CUX1: variants seen among roughly 807,000 people sequenced by gnomAD.
The protein encoded by CUX1 is cut like homeobox 1.
CUX1 carries 31 observed loss-of-function variants against 158.8 expected under a neutral mutation model. The ratio of observed to expected loss-of-function variants is 0.20; its 90% CI spans 0.15 to 0.26. The LOEUF (loss-of-function observed/expected upper bound fraction) is 0.26. Ranked by LOEUF, CUX1 falls within the 10% of genes least tolerant of loss-of-function variation. The pLI, the probability that CUX1 is intolerant of heterozygous loss-of-function variation, is 1.00. For missense variants in CUX1, 1,589 were observed against 2,014.6 expected, an observed-to-expected ratio of 0.79 and a Z score of 4.04; for synonymous variants, 879 against 862.1, an observed-to-expected ratio of 1.02 and a Z score of -0.34.
At chr7:102,230,256 A>G (rs1586345523) in intron 21 of CUX1, among the ~76,000 whole-genome samples, 1 of 151,818 alleles carries the variant, frequency 6.6e-6, no homozygotes, top group African/African-American at 2.4e-5. Flanking sequence ...CAGGTGGATC[A>G]CCTGAGGCCA....
intron 2 of CUX1, among the ~76,000 whole-genome samples, chr7:101,917,480 C>T (rs923434902): frequency 6.6e-6 from 1 of 152,102 alleles, no homozygotes; most frequent in East Asian, 1.9e-4. Flanking sequence ...CCATGTTTCA[C>T]GAGACCAAAA....
chr7:101,983,472 C>T (rs964684429), intron 2 of CUX1, among the ~76,000 whole-genome samples: 2 of 152,154 alleles, frequency 1.3e-5, no homozygotes, highest in African/African-American at 4.8e-5. Context: ...CCACTGACTG[C>T]AGTGAACAAT....
intron 5 of CUX1, among the ~76,000 whole-genome samples, chr7:102,101,945 T>C (rs1829822510): frequency 6.6e-6 from 1 of 151,756 alleles, no homozygotes; most frequent in Admixed American, 6.6e-5. Context: ...AAATGCTGTA[T>C]GTTTACACGA....
At chr7:101,898,791 A>G (rs1801827265) in intron 1 of CUX1, among the ~76,000 whole-genome samples, 2 of 152,034 alleles carry the variant, frequency 1.3e-5, no homozygotes, top group Non-Finnish European at 1.5e-5. Flanking sequence ...GGGTTTTGCC[A>G]TGTTGGCCAG....
intron 20 of CUX1, among the ~76,000 whole-genome samples, chr7:102,211,664 C>T (rs1441963154): frequency 3.3e-5 from 5 of 151,780 alleles, no homozygotes; most frequent in African/African-American, 1.2e-4. Flanking sequence ...ACCTGTAATC[C>T]AGCTCCTTGG....
intron 2 of CUX1, among the ~76,000 whole-genome samples, chr7:101,924,562 C>CTT (rs777090455): frequency 1.4e-5 from 2 of 141,168 alleles, no homozygotes; most frequent in Admixed American, 7.1e-5. Flanking sequence ...TACTTTTTTC[C>CTT]TTTTTTTTTT....
chr7:102,263,563 G>A (rs570096266), intron 14 of CUX1, among the ~76,000 whole-genome samples: 131 of 152,136 alleles, frequency 8.6e-4, no homozygotes, highest in Non-Finnish European at 1.5e-3. Flanking sequence ...TGATCTGCCC[G>A]CTTCAGCCTC....
intron 2 of CUX1, among the ~76,000 whole-genome samples, chr7:101,980,871 T>G (rs1165145182): frequency 6.6e-6 from 1 of 152,192 alleles, no homozygotes; most frequent in Non-Finnish European, 1.5e-5. Flanking sequence ...CTGCGCTTCC[T>G]GACTCCTCTC....
At chr7:102,077,155 C>G (rs921673462) in intron 4 of CUX1, among the ~76,000 whole-genome samples, 6 of 151,760 alleles carry the variant, frequency 4.0e-5, no homozygotes, top group Admixed American at 3.3e-4. Flanking sequence ...GTGAATCAAG[C>G]AGGACAGAGG....
chr7:102,090,382 T>TTTTTG (rs1221294181), intron 4 of CUX1, among the ~76,000 whole-genome samples: 4 of 152,074 alleles, frequency 2.6e-5, no homozygotes, highest in East Asian at 1.9e-4. Flanking sequence ...TTTTTTTGTT[T>TTTTTG]TTTTGTTTTG....
chr7:101,965,103 G>T (rs571060056), intron 2 of CUX1, among the ~76,000 whole-genome samples: 53 of 152,322 alleles, frequency 3.5e-4, no homozygotes, highest in African/African-American at 1.2e-3. Flanking sequence ...CCCGTGCCTT[G>T]CCCCTGAGCC....
Position 102,111,760 on chromosome 7 carries a change from A to G in CUX1, c.593A>G (p.Gln198Arg). ...SKLEEAEHKV[Q>R]SLQTALEKTR... ...CTGGAGGAAGCTGAGCATAAGGTTC[A>G]GAGCCTACAAACAGGTTTGATACTC... Residue 198 changes from glutamine (Q) to arginine (R), a missense_variant, in exon 7 of 24, where the codon CAG becomes CGG. By Grantham distance (43) the Gln-to-Arg change is conservative. Transcript: ENST00000292535. 1 of 1,614,096 alleles carries G rather than the reference A, an allele frequency of 6.2e-7. No individual in the cohort carries two copies. The highest frequency in any genetic ancestry group is 8.5e-7 in the Non-Finnish European group (1 of 1,179,908).
intron 2 of CUX1, among the ~76,000 whole-genome samples, chr7:101,923,587 G>A (rs897367043): frequency 2.6e-5 from 4 of 152,204 alleles, no homozygotes; most frequent in African/African-American, 9.6e-5. Flanking sequence ...CGGCTCAGGG[G>A]CCGTCACTGG....
intron 8 of CUX1, chr7:102,154,331 C>T (rs1554504450): frequency 2.6e-5 from 4 of 151,786 alleles, no homozygotes. Flanking sequence ...GAAAATAGTT[C>T]AGGTGCAGTG....
intron 11 of CUX1, among the ~76,000 whole-genome samples, chr7:102,181,687 C>G (rs1204801526): frequency 1.3e-5 from 2 of 152,170 alleles, no homozygotes; most frequent in Non-Finnish European, 2.9e-5. Flanking sequence ...CTTCTAGTAA[C>G]AAGACTTCTG....
At chr7:102,168,010 G>A (rs939450308) in intron 9 of CUX1, among the ~76,000 whole-genome samples, 19 of 151,772 alleles carry the variant, frequency 1.3e-4, no homozygotes, top group Non-Finnish European at 2.1e-4. Flanking sequence ...CCCGGGAGGC[G>A]GAGGTTGCAG....
Position 102,227,648 on chromosome 7 carries a change from G to C in CUX1, c.3412G>C (p.Val1138Leu), listed in dbSNP as rs1554529137. ...TYGITKRVKE[V>L]LTDNNLGQRL... The stretch of plus-strand genomic sequence containing the variant: ...CGGCATAACCAAGCGGGTGAAGGAG[G>C]TGCTGACGGACAACAACCTCGGTAG... The change falls in exon 21 of 24, where the codon GTG (valine) becomes CTG (leucine). Residue 1138 changes from valine (V) to leucine (L), a missense_variant. Transcript: ENST00000292535. The C allele has an allele frequency of 6.2e-7, 1 of 1,610,686 alleles. No homozygotes were observed. The highest frequency in any genetic ancestry group is 1.1e-5 in the South Asian group (1 of 91,014).
chr7:102,085,980 T>C (rs1827917766), intron 4 of CUX1, among the ~76,000 whole-genome samples: 3 of 152,204 alleles, frequency 2.0e-5, no homozygotes, highest in African/African-American at 7.2e-5. Flanking sequence ...AATTTCTTCT[T>C]GAGTCAGTTT....
chr7:102,078,870 T>A (rs781800808), intron 4 of CUX1, among the ~76,000 whole-genome samples: 19 of 152,202 alleles, frequency 1.2e-4, no homozygotes, highest in Non-Finnish European at 2.2e-4. Context: ...GGGAGAGGTT[T>A]CATTTTGGAT....
Sources: gnomAD v4.1 joint callset for allele counts (sites outside exome capture counted in the v4.1 genomes callset) on GRCh38, gnomAD v4.1.1 for gene constraint, MANE v1.5 for transcripts, NCBI Gene and HGNC (gene_info 2026-07-23, HGNC 2026-07-21) for gene names.